The following WWOX variants were observed in gnomAD, a reference collection of about 807,000 sequenced individuals.
WWOX encodes WW domain containing oxidoreductase, also known as WW domain-containing oxidoreductase.
Under a neutral mutation model 46.2 loss-of-function variants are expected in WWOX, and 69 were observed. The observed-to-expected ratio is 1.49, with a 90% CI of 1.23 to 1.82. WWOX has a LOEUF of 1.82. Ranked by LOEUF, WWOX falls within the 40% of genes most tolerant of loss-of-function variation. WWOX has a pLI of 0.00. For missense variants in WWOX, 919 were observed against 542.6 expected (o/e 1.69, Z -6.89); for synonymous variants, 359 against 202.6 (o/e 1.77, Z -6.56).
chr16:78,386,355 G>A (rs1182020615), intron 5 of WWOX, among the ~76,000 whole-genome samples: 2 of 152,182 alleles, frequency 1.3e-5, no homozygotes, highest in Non-Finnish European at 2.9e-5. Context: ...AGGTCCGTCA[G>A]AATCCATTGG....
At chr16:78,146,500 C>T (rs999228016) in intron 4 of WWOX, among the ~76,000 whole-genome samples, 2 of 152,154 alleles carry the variant, frequency 1.3e-5, no homozygotes, top group Admixed American at 1.3e-4. Context: ...CTCCGTGCAT[C>T]CCTCACATTC....
At chr16:78,675,998 A>T (rs1013202142) in intron 8 of WWOX, among the ~76,000 whole-genome samples, 1 of 152,110 alleles carries the variant, frequency 6.6e-6, no homozygotes, top group African/African-American at 2.4e-5. Flanking sequence ...TGGAAAGGGA[A>T]AGCATATGAT....
intron 8 of WWOX, among the ~76,000 whole-genome samples, chr16:78,982,365 A>G (rs1204181534): frequency 2.0e-5 from 3 of 152,352 alleles, no homozygotes; most frequent in South Asian, 2.1e-4. Context: ...AAAAAGAGTC[A>G]TAGTACAGCG....
chr16:79,049,414 C>T (rs1024337884), intron 8 of WWOX, among the ~76,000 whole-genome samples: 16 of 152,134 alleles, frequency 1.1e-4, no homozygotes, highest in African/African-American at 3.1e-4. Flanking sequence ...AGTTGTAGGA[C>T]GCAAAACCTT....
chr16:78,531,262 G>T (rs1420799947), intron 8 of WWOX, among the ~76,000 whole-genome samples: 2 of 152,146 alleles, frequency 1.3e-5, no homozygotes, highest in South Asian at 2.1e-4. Flanking sequence ...GTGAGAGCGA[G>T]GAAGGGTTTC....
At chr16:78,487,518 C>G (rs930284777) in intron 8 of WWOX, among the ~76,000 whole-genome samples, 1 of 152,130 alleles carries the variant, frequency 6.6e-6, no homozygotes, top group African/African-American at 2.4e-5. Flanking sequence ...CATGGCTCCC[C>G]TGTTATGTAT....
intron 6 of WWOX, among the ~76,000 whole-genome samples, chr16:78,405,497 T>A (rs2082506501): frequency 6.6e-6 from 1 of 152,234 alleles, no homozygotes; most frequent in South Asian, 2.1e-4. Flanking sequence ...TTTTATATGT[T>A]GATGTTTCTC....
chr16:78,131,938 T>C (rs1026476522), intron 4 of WWOX, among the ~76,000 whole-genome samples: 10 of 151,750 alleles, frequency 6.6e-5, no homozygotes, highest in African/African-American at 1.5e-4. Context: ...TATGTTCTTA[T>C]AAGTTAAAAA....
chr16:78,809,846 G>A (rs751875470), intron 8 of WWOX, among the ~76,000 whole-genome samples: 6 of 152,118 alleles, frequency 3.9e-5, no homozygotes, highest in Non-Finnish European at 7.3e-5. Context: ...AGGGGATGAT[G>A]ACCCTCTATG....
At chr16:78,520,692 G>A (rs1198626779) in intron 8 of WWOX, among the ~76,000 whole-genome samples, 1 of 151,958 alleles carries the variant, frequency 6.6e-6, no homozygotes, top group Non-Finnish European at 1.5e-5. Context: ...TAGGGTACGT[G>A]GGGAGAGCTT....
intron 8 of WWOX, among the ~76,000 whole-genome samples, chr16:78,542,523 G>A (rs532733989): frequency 1.3e-5 from 2 of 152,118 alleles, no homozygotes; most frequent in South Asian, 2.1e-4. Flanking sequence ...ACTATTGTCA[G>A]GGAATGAAAA....
At chr16:78,100,341 C>T (rs894914957) in intron 1 of WWOX, 1 of 751,220 alleles carries the variant, frequency 1.3e-6, no homozygotes, top group African/African-American at 1.9e-5. Flanking sequence ...TAGCCTCTAC[C>T]TACTGGGTTC....
chr16:79,056,722 C>T (rs558032092), intron 8 of WWOX, among the ~76,000 whole-genome samples: 83 of 152,194 alleles, frequency 5.5e-4, no homozygotes, highest in Non-Finnish European at 1.1e-3. Context: ...TGGGATAAGT[C>T]TTCTCTACCG....
In WWOX at chr16:79,028,326, A is replaced by T. The variant is rs1024059265; in HGVS notation, c.1057-183282A>T. Among the ~76,000 whole-genome samples the T allele has an allele frequency of 2.6e-5, 4 of 151,962 alleles. No homozygotes were observed. In the East Asian group the frequency reaches 5.8e-4, roughly 22 times the overall value. ...AAGTTCCCCTGGATGTAGTTGGGTG[A>T]CACTATGAGTGTATCGTTAGGCATG... On this transcript the variant is annotated intron_variant, in intron 8 of 8. Transcript: ENST00000566780.
At chr16:78,453,206 C>T (rs1010660919) in intron 8 of WWOX, among the ~76,000 whole-genome samples, 1 of 151,912 alleles carries the variant, frequency 6.6e-6, no homozygotes, top group Non-Finnish European at 1.5e-5. Flanking sequence ...GGAGGATTAC[C>T]TAAGGTCAGG....
At chr16:78,148,969 C>T (rs994763197) in intron 4 of WWOX, among the ~76,000 whole-genome samples, 1 of 138,342 alleles carries the variant, frequency 7.2e-6, no homozygotes, top group Non-Finnish European at 1.5e-5. Flanking sequence ...TGCGGTGTTA[C>T]TTTCTTTTTA....
At chr16:78,434,331 TCA>T (rs1359664667) in intron 8 of WWOX, among the ~76,000 whole-genome samples, 7 of 152,190 alleles carry the variant, frequency 4.6e-5, no homozygotes, top group Non-Finnish European at 1.0e-4. Context: ...TGTAGGTGGA[TCA>T]CAGGGTTTTG....
At chr16:78,533,197 G>A (rs11150085) in intron 8 of WWOX, among the ~76,000 whole-genome samples, 19,275 of 152,102 alleles carry the variant, frequency 0.13, 1,389 homozygotes, top group South Asian at 0.28. Flanking sequence ...AGCCAGTTGG[G>A]AACAGAGTTG....
At chr16:78,828,534 T>C (rs1021010841) in intron 8 of WWOX, among the ~76,000 whole-genome samples, 1 of 151,550 alleles carries the variant, frequency 6.6e-6, no homozygotes, top group South Asian at 2.1e-4. Context: ...TATATAATTA[T>C]ATATAATAAT....
Sources: gnomAD v4.1 joint callset for allele counts (sites outside exome capture counted in the v4.1 genomes callset) on GRCh38, gnomAD v4.1.1 for gene constraint, MANE v1.5 for transcripts, NCBI Gene and HGNC (gene_info 2026-07-23, HGNC 2026-07-21) for gene names.